The following ARID4A variants were observed in gnomAD, a reference collection of about 807,000 sequenced individuals.
ARID4A encodes AT-rich interactive domain-containing protein 4A.
ARID4A carries 39 observed loss-of-function variants against 148.6 expected under a neutral mutation model. The ratio of observed to expected loss-of-function variants is 0.26; its 90% confidence interval spans 0.20 to 0.34. The LOEUF is 0.34. ARID4A is among the 10% of genes least tolerant of loss of function. ARID4A has a pLI of 1.00. For missense variants in ARID4A, 1,265 were observed against 1,449.1 expected (o/e 0.87, Z 2.06); for synonymous variants, 475 against 481.2 (o/e 0.99, Z 0.17).
chr14:58,325,917 T>C (rs1011360846), intron 8 of ARID4A, among the ~76,000 whole-genome samples: 1 of 152,024 alleles, frequency 6.6e-6, no homozygotes, highest in African/African-American at 2.4e-5. Flanking sequence ...CAGGGGATAT[T>C]GAAAATAAAA....
At chr14:58,362,017 T>G (rs185008603) in intron 19 of ARID4A, among the ~76,000 whole-genome samples, 1 of 152,328 alleles carries the variant, frequency 6.6e-6, no homozygotes, top group East Asian at 1.9e-4. Flanking sequence ...CTTTTTCTCA[T>G]AAGTATCTTG....
intron 19 of ARID4A, among the ~76,000 whole-genome samples, chr14:58,361,657 A>G (rs1035223639): frequency 1.1e-4 from 16 of 152,216 alleles, no homozygotes; most frequent in African/African-American, 3.6e-4. Flanking sequence ...AACAACAGCA[A>G]AAACAAACAG....
intron 11 of ARID4A, among the ~76,000 whole-genome samples, chr14:58,331,923 T>C (rs561469206): frequency 2.6e-5 from 4 of 151,660 alleles, no homozygotes; most frequent in Non-Finnish European, 4.4e-5. Context: ...TTGTCCAATA[T>C]TGAAGAAAGA....
intron 23 of ARID4A, 24 bp from the exon 24 acceptor site, chr14:58,371,862 A>G (rs774302057): frequency 2.7e-5 from 42 of 1,573,316 alleles, no homozygotes; most frequent in Non-Finnish European, 3.7e-5. Flanking sequence ...TTTTGGATCT[A>G]ACATAGTTGT....
At chr14:58,302,998 A>G (rs1211528992) in intron 3 of ARID4A, among the ~76,000 whole-genome samples, 2 of 152,080 alleles carry the variant, frequency 1.3e-5, no homozygotes, top group African/African-American at 4.8e-5. Flanking sequence ...TTACTCTGAA[A>G]TAACTTTTTT....
chr14:58,308,887 TAAAAC>T (rs915716635), intron 5 of ARID4A, among the ~76,000 whole-genome samples: 6 of 152,204 alleles, frequency 3.9e-5, no homozygotes, highest in African/African-American at 9.6e-5. Context: ...TTATTAAAAA[TAAAAC>T]AAGAGGATAC....
rs764415860 is a variant in ARID4A, at chr14:58,365,060, A to T, written c.2971A>T (p.Ile991Phe). 6.2e-7 allele frequency: 1 copy of T among 1,614,140 alleles called. No homozygotes were observed. Among genetic ancestry groups the T allele is most frequent in the Non-Finnish European group, 8.5e-7 (1 of 1,180,012 alleles). ...CTCTGAGTCTAACTCTCTTGTTTCT[A>T]TTCCACCTGCCCTACCTCCTGTAGT... ...ESSESNSLVS[I>F]PPALPPVVQH... Residue 991 changes from isoleucine to phenylalanine, a missense_variant, in exon 20 of 24, where the codon ATT becomes TTT. By Grantham distance (21) the Ile-to-Phe change is conservative (BLOSUM62 0). This residue lies in a region of ARID4A where 666 missense variants were observed against 730.9 expected (regional missense o/e 0.91). Transcript: ENST00000355431.
chr14:58,334,849 T>C lies in ARID4A; in HGVS notation c.906+4680T>C, dbSNP rs138320906. 5.6e-4 allele frequency among the ~76,000 whole-genome samples: 85 copies of C among 152,292 alleles called. No homozygotes were observed. In the East Asian group the frequency reaches 0.016, roughly 28 times the overall value. On this transcript the variant is annotated intron_variant, in intron 11 of 23. Transcript: ENST00000355431. The stretch of plus-strand genomic sequence containing the variant: ...TCCTTCTCATCAGCTTTTTAAAACA[T>C]GCTTACATCTCTCCCAGCCTTCTGA...
At chr14:58,361,438 C>G (rs1221938597) in intron 19 of ARID4A, among the ~76,000 whole-genome samples, 3 of 152,118 alleles carry the variant, frequency 2.0e-5, no homozygotes, top group Non-Finnish European at 2.9e-5. Flanking sequence ...GTCTCAGCCA[C>G]CCATGTGAAC....
chr14:58,344,932 A>G (rs1320088303), intron 12 of ARID4A, among the ~76,000 whole-genome samples, 165 bp downstream of exon 12: 2 of 151,930 alleles, frequency 1.3e-5, no homozygotes, highest in African/African-American at 4.8e-5. Flanking sequence ...GAGTGCAGTG[A>G]TTTGCTCCTG....
chr14:58,359,492 G>C (rs1477328930), intron 18 of ARID4A, among the ~76,000 whole-genome samples: 2 of 152,066 alleles, frequency 1.3e-5, no homozygotes, highest in Non-Finnish European at 2.9e-5. Context: ...CACTGTTGGT[G>C]TTGTATATTC....
intron 7 of ARID4A, among the ~76,000 whole-genome samples, chr14:58,319,226 ATT>A (rs11328441): frequency 1.7e-3 from 256 of 146,288 alleles, no homozygotes; most frequent in Middle Eastern, 3.5e-3. Flanking sequence ...CACCCAGCTA[ATT>A]TTTTTTTTTT....
intron 8 of ARID4A, among the ~76,000 whole-genome samples, chr14:58,326,980 C>T (rs2033252245): frequency 1.3e-5 from 2 of 152,144 alleles, no homozygotes; most frequent in Admixed American, 1.3e-4. Context: ...TATTATTAGT[C>T]TAATAATTAC....
At chr14:58,313,174 T>G (rs894087362) in intron 5 of ARID4A, among the ~76,000 whole-genome samples, 1 of 152,184 alleles carries the variant, frequency 6.6e-6, no homozygotes, top group Admixed American at 6.5e-5. Context: ...AGAGAACCAA[T>G]AAGATATAGA....
At chr14:58,359,072 C>T (rs1325307875) in intron 17 of ARID4A, 60 bp from the exon 18 acceptor site, 4 of 1,454,776 alleles carry the variant, frequency 2.7e-6, no homozygotes, top group East Asian at 2.6e-5. Flanking sequence ...GAATACATTT[C>T]AAAAAGGTTA....
chr14:58,364,331 G>T lies in ARID4A; in HGVS notation c.2242G>T (p.Asp748Tyr). The change falls in exon 20 of 24, where the codon GAT becomes TAT. Residue 748 changes from aspartate (D) to tyrosine (Y), a missense_variant. Physicochemically the swap from Asp to Tyr is radical, Grantham distance 160. Transcript: ENST00000355431. ...KISAHILKEN[D>Y]RTQMQPLETL... ...TTCTGCACATATATTAAAAGAAAAT[G>T]ATAGGACTCAAATGCAGCCTTTAGA... The T allele has an allele frequency of 6.3e-7, 1 of 1,576,650 alleles. No homozygotes were observed. Among genetic ancestry groups the T allele is most frequent in the Non-Finnish European group, 8.5e-7 (1 of 1,169,902 alleles).
At chr14:58,313,287 A>G (rs2140150995) in intron 5 of ARID4A, among the ~76,000 whole-genome samples, 1 of 152,258 alleles carries the variant, frequency 6.6e-6, no homozygotes, top group Non-Finnish European at 1.5e-5. Context: ...CAATTTTTCC[A>G]TGGATGGAAG....
intron 17 of ARID4A, among the ~76,000 whole-genome samples, chr14:58,355,258 G>A (rs887892133): frequency 6.6e-6 from 1 of 152,056 alleles, no homozygotes; most frequent in Admixed American, 6.5e-5. Flanking sequence ...CTCTACACTG[G>A]GAAAAATACA....
intron 5 of ARID4A, among the ~76,000 whole-genome samples, chr14:58,310,043 A>C (rs2031901988): frequency 6.6e-6 from 1 of 152,214 alleles, no homozygotes; most frequent in South Asian, 2.1e-4. Flanking sequence ...ACTGACTAGA[A>C]GATAATTCAT....
Sources: gnomAD v4.1 joint callset for allele counts (sites outside exome capture counted in the v4.1 genomes callset) on GRCh38, gnomAD v4.1.1 for gene constraint, gnomAD v4.1.1 regional missense constraint, MANE v1.5 for transcripts, NCBI Gene and HGNC (gene_info 2026-07-23, HGNC 2026-07-21) for gene names.